PPP1R9A: variants seen among roughly 807,000 people sequenced by gnomAD.
PPP1R9A encodes the protein protein phosphatase 1 regulatory subunit 9A.
PPP1R9A carries 59 observed loss-of-function variants against 141.9 expected under a neutral mutation model. The ratio of observed to expected loss-of-function variants is 0.42; its 90% CI spans 0.34 to 0.52. The LOEUF (loss-of-function observed/expected upper bound fraction) is 0.52. Ranked by LOEUF, PPP1R9A falls within the 20% of genes least tolerant of loss-of-function variation. The pLI, the probability that PPP1R9A is intolerant of heterozygous loss-of-function variation, is 0.10. For missense variants in PPP1R9A, 1,444 were observed against 1,611.9 expected (o/e 0.90, Z 1.78); for synonymous variants, 500 against 569.7 (o/e 0.88, Z 1.74).
chr7:94,924,853 A>C (rs947131610), intron 2 of PPP1R9A, among the ~76,000 whole-genome samples: 1 of 152,076 alleles, frequency 6.6e-6, no homozygotes. Flanking sequence ...TCTTACTCTT[A>C]ATCTAGAATG....
intron 5 of PPP1R9A, among the ~76,000 whole-genome samples, chr7:95,190,540 G>A (rs1051760189): frequency 2.6e-5 from 4 of 152,226 alleles, no homozygotes; most frequent in African/African-American, 9.6e-5. Flanking sequence ...GACACACTGA[G>A]AACCACTGGT....
chr7:94,999,823 A>ATTTATT (rs1563101129), intron 2 of PPP1R9A, among the ~76,000 whole-genome samples: 2 of 126,994 alleles, frequency 1.6e-5, no homozygotes, highest in African/African-American at 6.6e-5. Flanking sequence ...ATTTATTTAG[A>ATTTATT]TAGAGTCTCA....
intron 4 of PPP1R9A, among the ~76,000 whole-genome samples, chr7:95,152,838 CTT>C (rs5885900): frequency 0.32 from 39,719 of 124,954 alleles, 5,481 homozygotes; most frequent in Middle Eastern, 0.45. Context: ...CAGCCACACC[CTT>C]TTTTTTTTTT....
intron 4 of PPP1R9A, among the ~76,000 whole-genome samples, chr7:95,138,571 G>A (rs1826092574): frequency 6.6e-6 from 1 of 152,060 alleles, no homozygotes; most frequent in African/African-American, 2.4e-5. Flanking sequence ...ACACAGTTAA[G>A]AACTGAAAAG....
intron 12 of PPP1R9A, among the ~76,000 whole-genome samples, chr7:95,263,409 C>T (rs529034870): frequency 4.2e-4 from 57 of 135,066 alleles, no homozygotes; most frequent in Middle Eastern, 7.9e-3. Flanking sequence ...TATATCTTTC[C>T]AGTTTGTTGT....
intron 6 of PPP1R9A, 104 bp downstream of exon 6, chr7:95,198,588 G>T (rs1585202621): frequency 7.5e-7 from 1 of 1,334,734 alleles, no homozygotes; most frequent in East Asian, 2.6e-5. Context: ...CTTGAGGAAG[G>T]TGTGTCCACA....
chr7:95,006,196 ATTT>A (rs1803562674), intron 2 of PPP1R9A, among the ~76,000 whole-genome samples: 1 of 110,316 alleles, frequency 9.1e-6, no homozygotes, highest in Non-Finnish European at 2.1e-5. Flanking sequence ...TTAAGAACTT[ATTT>A]ATTTATTTAT....
intron 8 of PPP1R9A, among the ~76,000 whole-genome samples, chr7:95,242,698 A>G (rs550402293): frequency 1.3e-5 from 2 of 152,152 alleles, no homozygotes; most frequent in Non-Finnish European, 2.9e-5. Context: ...CCTGAGGTGC[A>G]TATCTATGGC....
intron 2 of PPP1R9A, among the ~76,000 whole-genome samples, chr7:95,037,447 G>C (rs947638490): frequency 2.6e-5 from 4 of 151,986 alleles, no homozygotes; most frequent in Non-Finnish European, 5.9e-5. Context: ...ATAATTATTA[G>C]GACCACATGT....
intron 2 of PPP1R9A, among the ~76,000 whole-genome samples, chr7:94,981,166 A>C (rs1219932282): frequency 6.6e-6 from 1 of 152,160 alleles, no homozygotes. Context: ...CTCAGATGTC[A>C]CATTCTTTCT....
chr7:95,134,003 A>G, intron 4 of PPP1R9A, among the ~76,000 whole-genome samples: 1 of 152,124 alleles, frequency 6.6e-6, no homozygotes, highest in African/African-American at 2.4e-5. Flanking sequence ...TAAATTTTAA[A>G]TGCTTTAAAA....
At chr7:95,162,901 T>A (rs946659225) in intron 5 of PPP1R9A, among the ~76,000 whole-genome samples, 4 of 152,194 alleles carry the variant, frequency 2.6e-5, no homozygotes, top group African/African-American at 9.6e-5. Context: ...TTAAGGAATA[T>A]TACCTAAACT....
At chr7:94,969,823 T>C (rs1798658988) in intron 2 of PPP1R9A, among the ~76,000 whole-genome samples, 1 of 152,200 alleles carries the variant, frequency 6.6e-6, no homozygotes. Context: ...GGCTGCTGCC[T>C]TTCTTTTGGA....
At chr7:95,135,429 C>T (rs943631251) in intron 4 of PPP1R9A, among the ~76,000 whole-genome samples, 5 of 152,138 alleles carry the variant, frequency 3.3e-5, no homozygotes, top group Admixed American at 3.3e-4. Context: ...TACTTAGTCC[C>T]TTCAGTTGTA....
intron 4 of PPP1R9A, among the ~76,000 whole-genome samples, chr7:95,126,524 A>G (rs946515920): frequency 4.6e-5 from 7 of 152,160 alleles, no homozygotes; most frequent in Non-Finnish European, 8.8e-5. Context: ...CTAGCCAGGT[A>G]TGTTCCCATA....
intron 2 of PPP1R9A, among the ~76,000 whole-genome samples, chr7:95,106,775 T>C (rs955902521): frequency 2.0e-5 from 3 of 152,204 alleles, no homozygotes; most frequent in African/African-American, 7.2e-5. Flanking sequence ...TTTTTTTCTA[T>C]ATCCTCACAA....
chr7:95,005,868 T>C (rs888984579), intron 2 of PPP1R9A, among the ~76,000 whole-genome samples: 2 of 152,264 alleles, frequency 1.3e-5, no homozygotes, highest in Middle Eastern at 6.8e-3. Context: ...TAATTAGCCT[T>C]TCCCTTGTTA....
At chr7:95,267,674 C>T (rs921619174) in intron 12 of PPP1R9A, among the ~76,000 whole-genome samples, 1 of 152,080 alleles carries the variant, frequency 6.6e-6, no homozygotes, top group African/African-American at 2.4e-5. Flanking sequence ...TTGTGTCCCA[C>T]TTTACTCTCT....
intron 3 of PPP1R9A, 76 bp downstream of exon 3, chr7:95,111,467 C>G: frequency 7.3e-7 from 1 of 1,360,850 alleles, no homozygotes; most frequent in Non-Finnish European, 9.9e-7. Flanking sequence ...AAAATGTAGC[C>G]TTTTTTCTAA....
Sources: gnomAD v4.1 joint callset for allele counts (sites outside exome capture counted in the v4.1 genomes callset) on GRCh38, gnomAD v4.1.1 for gene constraint, MANE v1.5 for transcripts, NCBI Gene and HGNC (gene_info 2026-07-23, HGNC 2026-07-21) for gene names.